EXT1: variants seen among roughly 807,000 people sequenced by gnomAD.
The protein encoded by EXT1 is exostosin-1.
EXT1 carries 20 observed loss-of-function variants against 82.5 expected under a neutral mutation model. The ratio of observed to expected loss-of-function variants is 0.24; its 90% CI spans 0.17 to 0.35. The LOEUF is 0.35. Among genes scored for constraint, EXT1 ranks in the 10% least tolerant of loss-of-function variants. The pLI is 1.00. For missense variants in EXT1, 757 were observed against 936.5 expected (o/e 0.81, Z 2.50); for synonymous variants, 348 against 350.8 (o/e 0.99, Z 0.09).
At position 117,799,088 on chromosome 8, in the gene EXT1, C is replaced by T. The variant is rs1035747797; in HGVS notation, c.*624G>A. ...TAGAGATTTCAGTTAGAACTGCCTA[C>T]CTGGAAGTCGTAATACTTTCTTTCA... On this transcript the variant is annotated 3_prime_UTR_variant, in exon 11 of 11. Coordinates refer to ENST00000378204, the MANE Select transcript of EXT1 (RefSeq NM_000127.3). 1 of 149,702 alleles carries T rather than the reference C, an allele frequency of 6.7e-6. No individual in the cohort carries two copies. Among genetic ancestry groups the T allele is most frequent in the Admixed American group, 6.7e-5 (1 of 14,908 alleles). The allele number at this position is 149,702 out of a possible 1,614,324, so 9.3% of individuals were successfully genotyped here. A position where few individuals can be genotyped will look rare whatever the true frequency, so the allele number is the denominator to read the frequency against.
intron 1 of EXT1, among the ~76,000 whole-genome samples, chr8:118,036,671 G>A (rs1016809613): frequency 6.6e-6 from 1 of 152,078 alleles, no homozygotes; most frequent in African/African-American, 2.4e-5. Flanking sequence ...GACAAAAAAT[G>A]TACACATTTA....
At chr8:117,949,138 C>T (rs1028011698) in intron 1 of EXT1, among the ~76,000 whole-genome samples, 15 of 152,098 alleles carry the variant, frequency 9.9e-5, no homozygotes, top group Non-Finnish European at 1.8e-4. Context: ...TTCCAAAAAT[C>T]TCATGCTAAC....
At chr8:117,810,864 G>C (rs537367168) in intron 8 of EXT1, among the ~76,000 whole-genome samples, 1 of 152,302 alleles carries the variant, frequency 6.6e-6, no homozygotes, top group Non-Finnish European at 1.5e-5. Flanking sequence ...GATAGAGAGA[G>C]AGGTCAGTGT....
rs1335428341 is a variant in EXT1 at position 117,799,657 on chromosome 8, G to C, written c.*55C>G. ...TGAGTGGATCTGCACTGGGAAGAGA[G>C]AGCAGCTTGACCCCCATCCCTTCTT... On this transcript the variant is annotated 3_prime_UTR_variant, in exon 11 of 11. Transcript: ENST00000378204. The C allele has an allele frequency of 5.6e-6, 9 of 1,597,242 alleles. No homozygotes were observed. In the Admixed American group the frequency reaches 8.3e-5, roughly 15 times the overall value.
At chr8:117,924,202 A>G in intron 1 of EXT1, among the ~76,000 whole-genome samples, 1 of 152,192 alleles carries the variant, frequency 6.6e-6, no homozygotes, top group Middle Eastern at 3.2e-3. Flanking sequence ...TCCCCACTGT[A>G]CTAGGGAAAT....
At chr8:118,039,425 G>T (rs1170340896) in intron 1 of EXT1, among the ~76,000 whole-genome samples, 1 of 151,566 alleles carries the variant, frequency 6.6e-6, no homozygotes, top group African/African-American at 2.4e-5. Context: ...CTGGGCCTAA[G>T]GGTGCACGCC....
At chr8:117,876,220 A>G (rs961562397) in intron 1 of EXT1, among the ~76,000 whole-genome samples, 2 of 152,234 alleles carry the variant, frequency 1.3e-5, no homozygotes, top group African/African-American at 2.4e-5. Flanking sequence ...GAAGCATCTA[A>G]CTCACAAGGA....
chr8:117,878,835 T>C (rs149398405), intron 1 of EXT1, among the ~76,000 whole-genome samples: 17 of 152,330 alleles, frequency 1.1e-4, no homozygotes, highest in Non-Finnish European at 2.1e-4. Context: ...GTGGGCTGTG[T>C]TGCAGTAACA....
chr8:117,966,304 C>T (rs1402036264), intron 1 of EXT1, among the ~76,000 whole-genome samples: 1 of 152,182 alleles, frequency 6.6e-6, no homozygotes, highest in Non-Finnish European at 1.5e-5. Context: ...TAGAACTTTT[C>T]CCCCTTGCTA....
chr8:117,978,108 T>C (rs987840975), intron 1 of EXT1, among the ~76,000 whole-genome samples: 3 of 152,220 alleles, frequency 2.0e-5, no homozygotes, highest in Non-Finnish European at 4.4e-5. Flanking sequence ...GTCCCCAGGA[T>C]GTACAGGTGT....
chr8:117,957,017 G>C (rs1222268315), intron 1 of EXT1, among the ~76,000 whole-genome samples: 1 of 152,150 alleles, frequency 6.6e-6, no homozygotes, highest in African/African-American at 2.4e-5. Flanking sequence ...TGTAACAACA[G>C]AGTCATAATT....
rs1297911580 is a variant in EXT1, at chr8:117,794,518, T to C, written c.*5194A>G. ...AAAGTCATGTCATTTATTAATAATT[T>C]CTTTTTTTTTTCTTCTATAAATTGG... On this transcript the variant is annotated 3_prime_UTR_variant, in exon 11 of 11. Transcript: ENST00000378204. The C allele has an allele frequency of 2.6e-5, 4 of 151,852 alleles. No homozygotes were observed. Among genetic ancestry groups the C allele is most frequent in the Non-Finnish European group, 5.9e-5 (4 of 68,024 alleles). 9.4% of individuals were successfully genotyped at this position (151,852 alleles called of 1,614,324 possible).
chr8:117,874,629 G>A (rs1489008725), intron 1 of EXT1, among the ~76,000 whole-genome samples: 1 of 146,002 alleles, frequency 6.8e-6, no homozygotes, highest in Non-Finnish European at 1.5e-5. Flanking sequence ...TGGGTAATTT[G>A]ATAGATGAGC....
chr8:117,959,038 T>C (rs181374025), intron 1 of EXT1, among the ~76,000 whole-genome samples: 193 of 152,352 alleles, frequency 1.3e-3, no homozygotes, highest in Non-Finnish European at 2.2e-3. Context: ...CTGCAATCAC[T>C]AAGGGGCCCT....
intron 1 of EXT1, among the ~76,000 whole-genome samples, chr8:117,947,175 T>G (rs758158893): frequency 1.4e-4 from 21 of 152,196 alleles, no homozygotes; most frequent in Non-Finnish European, 2.8e-4. Flanking sequence ...AAGCCACTCT[T>G]GTGGGTAAAT....
chr8:117,905,561 C>A lies in EXT1; in HGVS notation c.963-68360G>T, dbSNP rs367869388. ...GGCGTGGTGGCTCACGCCTGTAATC[C>A]CAGCACTTTGGGAGGCCGAGGCGGG... On this transcript the variant is annotated intron_variant, in intron 1 of 10. Transcript: ENST00000378204. Among the ~76,000 whole-genome samples, 68 of 152,206 alleles carry A rather than the reference C, an allele frequency of 4.5e-4. No homozygotes were observed. The East Asian group carries it at 0.012, about 26-fold the overall frequency.
intron 1 of EXT1, among the ~76,000 whole-genome samples, chr8:118,097,593 C>A (rs1437787477): frequency 6.6e-6 from 1 of 152,188 alleles, no homozygotes; most frequent in Non-Finnish European, 1.5e-5. Context: ...AACCCACTTC[C>A]ATACGTTGCT....
rs1340913968 is a variant in EXT1, at chr8:117,804,728, C to T, written c.2049G>A (p.Met683Ile). The T allele has an allele frequency of 6.2e-7, 1 of 1,614,034 alleles. No individual in the cohort carries two copies. Among genetic ancestry groups the T allele is most frequent in the Admixed American group, 1.7e-5 (1 of 60,008 alleles). The change falls in exon 10 of 11, where the codon ATG becomes ATA. Residue 683 changes from methionine to isoleucine, a missense_variant. Met to Ile is a conservative substitution (Grantham distance 10). Around this residue, in one of 4 missense-constraint regions of EXT1, gnomAD observed 128 missense variants for 223.2 expected, o/e 0.57. Coordinates refer to ENST00000378204, the MANE Select transcript of EXT1 (RefSeq NM_000127.3). ...AGGGCTCTTCTATACTTACCTGTCC[C>T]ATCATTGTCTCCTTATACTGCTTCT... is the stretch of plus-strand genomic sequence containing the variant. ...TQKKQYKETMMGQTSRASRWA... is the reference protein window; with the variant it reads ...TQKKQYKETMIGQTSRASRWA...
At chr8:117,956,183 A>G (rs1000467631) in intron 1 of EXT1, among the ~76,000 whole-genome samples, 3 of 152,130 alleles carry the variant, frequency 2.0e-5, no homozygotes. Flanking sequence ...ACAGCAAAAA[A>G]AAAAAAACAA....
Sources: allele counts gnomAD v4.1 joint callset (sites outside exome capture counted in the v4.1 genomes callset), GRCh38; gene constraint gnomAD v4.1.1; regional missense constraint gnomAD v4.1.1; transcripts MANE v1.5; gene names NCBI Gene and HGNC (gene_info 2026-07-23, HGNC 2026-07-21).